The following MIS18A variants were observed in gnomAD, a reference collection of about 807,000 sequenced individuals.
MIS18A encodes protein Mis18-alpha.
Under a neutral mutation model 25.0 loss-of-function variants are expected in MIS18A, and 14 were observed. The ratio of observed to expected loss-of-function variants is 0.56; its 90% CI spans 0.37 to 0.88. MIS18A has a LOEUF of 0.88. Among genes scored for constraint, MIS18A ranks in the 40% least tolerant of loss-of-function variants. The pLI is 0.00. For missense variants in MIS18A, 292 were observed against 290.8 expected (o/e 1.00, Z -0.03); for synonymous variants, 134 against 118.6 (o/e 1.13, Z -0.84).
At chr21:32,178,406 C>T in the MIS18A span, among the ~76,000 whole-genome samples, 1 of 152,006 alleles carries the variant, frequency 6.6e-6, no homozygotes, top group Non-Finnish European at 1.5e-5. Flanking sequence ...TTGTTTTTCT[C>T]TATTTTTTCT....
chr21:32,201,750 T>C, the MIS18A span, among the ~76,000 whole-genome samples: 1 of 152,000 alleles, frequency 6.6e-6, no homozygotes, highest in Admixed American at 6.6e-5. Context: ...GAGTTCAAGG[T>C]TGCAGTGGAG....
the MIS18A span, among the ~76,000 whole-genome samples, chr21:32,162,579 C>T: frequency 1.3e-5 from 2 of 152,144 alleles, no homozygotes; most frequent in African/African-American, 4.8e-5. Context: ...TTGTACTGAT[C>T]GTATCATAGT....
chr21:32,250,126 G>A, the MIS18A span, among the ~76,000 whole-genome samples: 1 of 151,944 alleles, frequency 6.6e-6, no homozygotes, highest in African/African-American at 2.4e-5. Context: ...CAGCAGTGTG[G>A]GTGTCACCAG....
chr21:32,182,973 C>T, the MIS18A span, among the ~76,000 whole-genome samples: 2 of 152,098 alleles, frequency 1.3e-5, no homozygotes, highest in Non-Finnish European at 2.9e-5. Context: ...TCCCAAATGG[C>T]GAAATAGCAC....
At chr21:32,182,230 G>C in the MIS18A span, among the ~76,000 whole-genome samples, 1 of 152,330 alleles carries the variant, frequency 6.6e-6, no homozygotes, top group East Asian at 1.9e-4. Context: ...GAAAAGAACA[G>C]TGAACTGTGA....
At chr21:32,204,176 T>A in the MIS18A span, among the ~76,000 whole-genome samples, 2 of 151,944 alleles carry the variant, frequency 1.3e-5, no homozygotes, top group Non-Finnish European at 2.9e-5. Flanking sequence ...ATGGAGCAAT[T>A]AGAGGGGTTC....
At chr21:32,186,164 T>C in the MIS18A span, among the ~76,000 whole-genome samples, 10 of 152,208 alleles carry the variant, frequency 6.6e-5, no homozygotes, top group Non-Finnish European at 1.3e-4. Flanking sequence ...TTTTAACTCC[T>C]AACACTTTGA....
chr21:32,181,507 A>T, the MIS18A span, among the ~76,000 whole-genome samples: 1 of 152,166 alleles, frequency 6.6e-6, no homozygotes, highest in African/African-American at 2.4e-5. Flanking sequence ...AGTGAGAAGG[A>T]GAAATGAGGC....
the MIS18A span, among the ~76,000 whole-genome samples, chr21:32,205,439 G>A: frequency 1.3e-4 from 19 of 151,842 alleles, no homozygotes; most frequent in Non-Finnish European, 2.4e-4. Flanking sequence ...TAGTTTCTGG[G>A]ATCATATTGC....
the MIS18A span, among the ~76,000 whole-genome samples, chr21:32,203,749 T>TG: frequency 6.2e-3 from 947 of 151,574 alleles, 49 homozygotes; most frequent in Admixed American, 0.057. Context: ...CCTGAGTAGC[T>TG]GGGACTACAG....
At chr21:32,192,969 A>G in the MIS18A span, among the ~76,000 whole-genome samples, 4 of 152,226 alleles carry the variant, frequency 2.6e-5, no homozygotes, top group Non-Finnish European at 5.9e-5. Context: ...TCAGATTAAA[A>G]TCAACATCAA....
the MIS18A span, among the ~76,000 whole-genome samples, chr21:32,205,174 G>C: frequency 7.6e-6 from 1 of 132,084 alleles, no homozygotes. Context: ...GCTCGATCTC[G>C]GCTCACTGCA....
At chr21:32,245,266 G>A in the MIS18A span, among the ~76,000 whole-genome samples, 9 of 152,120 alleles carry the variant, frequency 5.9e-5, no homozygotes, top group Admixed American at 6.5e-5. Flanking sequence ...GCCTTCTAGC[G>A]GGCATCAGTC....
chr21:32,269,528 G>T, intron 4 of MIS18A, 179 bp downstream of exon 4: 1 of 536,400 alleles, frequency 1.9e-6, no homozygotes, highest in Non-Finnish European at 3.3e-6. Context: ...TTATTTTGTT[G>T]ATTAAGCTTT....
At chr21:32,240,521 A>G in the MIS18A span, among the ~76,000 whole-genome samples, 29,427 of 152,164 alleles carry the variant, frequency 0.19, 3,065 homozygotes, top group East Asian at 0.23. Flanking sequence ...GTATTTTCTT[A>G]TAGCAGCCAA....
the MIS18A span, among the ~76,000 whole-genome samples, chr21:32,216,319 G>A: frequency 6.6e-6 from 1 of 152,190 alleles, no homozygotes. Context: ...GCCACTGGAA[G>A]GAGAAGAACA....
Position 32,268,965 on chromosome 21 carries a change from C to A in MIS18A, c.*72G>T. On this transcript the variant is annotated 3_prime_UTR_variant, in exon 5 of 5. Transcript: ENST00000290130. ...CTTTTTTTTTTTGTAGAGACGACGT[C>A]TCACTATGTTGCTTCATTTAACAAA... 3.9e-6 allele frequency: 4 copies of A among 1,013,290 alleles called. No individual in the cohort carries two copies. The highest frequency in any genetic ancestry group is 1.9e-5 in the South Asian group (1 of 53,646). The allele number at this position is 1,013,290 out of a possible 1,614,324, so 62.8% of individuals were successfully genotyped here.
chr21:32,278,624 G>C (rs1050422256), intron 1 of MIS18A, 57 bp downstream of exon 1: 2 of 1,432,634 alleles, frequency 1.4e-6, no homozygotes, highest in African/African-American at 1.4e-5. Flanking sequence ...GCCCACGCGC[G>C]GCACCCCTGG....
At chr21:32,203,613 CTTTTTT>C in the MIS18A span, among the ~76,000 whole-genome samples, 1,565 of 85,352 alleles carry the variant, frequency 0.018, 24 homozygotes, top group African/African-American at 0.068. Flanking sequence ...TTTTTAAATG[CTTTTTT>C]TTTTTTTTTT....
Sources: allele counts gnomAD v4.1 joint callset (sites outside exome capture counted in the v4.1 genomes callset), GRCh38; gene constraint gnomAD v4.1.1; transcripts MANE v1.5; gene names NCBI Gene and HGNC (gene_info 2026-07-23, HGNC 2026-07-21).